The following PAX9 variants were observed in gnomAD, a reference collection of about 807,000 sequenced individuals.
The protein encoded by PAX9 is paired box 9.
Under a neutral mutation model 29.1 loss-of-function variants are expected in PAX9, and 6 were observed. The observed-to-expected ratio is 0.21, with a 90% CI of 0.11 to 0.41. The LOEUF (loss-of-function observed/expected upper bound fraction) is 0.41. PAX9 is among the 10% of genes least tolerant of loss of function. The pLI is 1.00. For synonymous variants in PAX9, 217 were observed against 211.7 expected (o/e 1.03, Z -0.22); for missense variants, 443 against 479.1 (o/e 0.92, Z 0.70).
rs191674536 is a variant in PAX9 at position 36,676,958 on chromosome 14, A to C, written c.*506A>C. The C allele has an allele frequency of 5.7e-6, 1 of 174,130 alleles. No individual in the cohort carries two copies. Among genetic ancestry groups the C allele is most frequent in the Non-Finnish European group, 1.3e-5 (1 of 79,980 alleles). The allele number at this position is 174,130 out of a possible 1,614,324, so 10.8% of individuals were successfully genotyped here. On this transcript the variant is annotated 3_prime_UTR_variant, in exon 4 of 4. Transcript: ENST00000361487. ...TAATTCATCATTAGGAAACAAATCA[A>C]TAAGTGACTTGTTTGAGTGATCCTT... is the stretch of plus-strand genomic sequence containing the variant.
In PAX9 at chr14:36,663,542, G is replaced by T; in HGVS notation, c.631+19G>T. On this transcript the variant is annotated intron_variant, in intron 2 of 3. Transcript: ENST00000361487. ...GACCAAGGTAGGGGCTCAGAGGCTGGGCGTGTGGATGTGCAGCGTCTGCCC... is the reference window on the plus strand; with the variant it reads ...GACCAAGGTAGGGGCTCAGAGGCTGTGCGTGTGGATGTGCAGCGTCTGCCC... 6.2e-7 allele frequency: 1 copy of T among 1,612,462 alleles called. No individual in the cohort carries two copies. Among genetic ancestry groups the T allele is most frequent in the South Asian group, 1.1e-5 (1 of 91,028 alleles).
rs113370878 is a variant in PAX9, at chr14:36,664,569, T to G, written c.631+1046T>G. Among the ~76,000 whole-genome samples the G allele has an allele frequency of 2.1e-3, 45 of 21,488 alleles. 1 individual carries two copies. The highest frequency in any genetic ancestry group is 0.016 in the South Asian group (10 of 634). The allele number at this position is 21,488 out of a possible 152,430, so 14.1% of individuals were successfully genotyped here. On this transcript the variant is annotated intron_variant, in intron 2 of 3. Coordinates refer to ENST00000361487, the MANE Select transcript of PAX9 (RefSeq NM_001372076.1). The stretch of plus-strand genomic sequence containing the variant: ...CCTGAGTTTGTTTTCTTTTACTGAG[T>G]TTTTTTTTTTTTTTTTAAGGCGTTA...
rs1881292138 is a variant in PAX9 at position 36,662,076 on chromosome 14, T to C, written c.-14T>C. On this transcript the variant is annotated 5_prime_UTR_variant, in exon 1 of 4. Transcript: ENST00000361487. ...GTGCGGAACTGGGGCCGGGTTGGTG[T>C]ACTGCTCGGAGCAATGGGTGAGTGG... 2 of 1,550,732 alleles carry C rather than the reference T, an allele frequency of 1.3e-6. No homozygotes were observed. Among genetic ancestry groups the C allele is most frequent in the African/African-American group, 1.4e-5 (1 of 72,616 alleles).
intron 2 of PAX9, among the ~76,000 whole-genome samples, chr14:36,663,964 G>T (rs190850070): frequency 2.0e-5 from 3 of 152,186 alleles, no homozygotes; most frequent in East Asian, 1.9e-4. Context: ...CACTACGGCC[G>T]GGAGAAGTCT....
chr14:36,664,979 T>C (rs1346462359), intron 2 of PAX9, among the ~76,000 whole-genome samples: 1 of 152,046 alleles, frequency 6.6e-6, no homozygotes, highest in Admixed American at 6.5e-5. Flanking sequence ...TGGGAAAGTG[T>C]GAGATCAGCA....
chr14:36,662,814 C>G, intron 1 of PAX9, 83 bp from the exon 2 acceptor site: 2 of 1,531,564 alleles, frequency 1.3e-6, no homozygotes, highest in Non-Finnish European at 1.8e-6. Context: ...GCCCAGTCCC[C>G]GGATGCGTAG....
rs991188480 is a variant in PAX9, at chr14:36,661,905, C to T, written c.-185C>T. 1 of 721,996 alleles carries T rather than the reference C, an allele frequency of 1.4e-6. No individual in the cohort carries two copies. The highest frequency in any genetic ancestry group is 1.8e-5 in the African/African-American group (1 of 57,086). 44.7% of individuals were successfully genotyped at this position (721,996 alleles called of 1,614,324 possible). The stretch of plus-strand genomic sequence containing the variant: ...TTAGATTGAAATGCAGAACTCAAGC[C>T]TCTTTCATCGGGGCACAGACTTCCT... On this transcript the variant is annotated 5_prime_UTR_variant, in exon 1 of 4. Coordinates refer to ENST00000361487, the MANE Select transcript of PAX9 (RefSeq NM_001372076.1).
At chr14:36,674,091 A>C (rs1167980257) in intron 3 of PAX9, among the ~76,000 whole-genome samples, 1 of 152,216 alleles carries the variant, frequency 6.6e-6, no homozygotes, top group African/African-American at 2.4e-5. Context: ...TCTATGCAAA[A>C]CTAGATTTTT....
chr14:36,666,734 C>A, intron 3 of PAX9, 133 bp downstream of exon 3: 2 of 1,206,976 alleles, frequency 1.7e-6, no homozygotes, highest in Non-Finnish European at 2.4e-6. Context: ...CTGCTACGAG[C>A]CAGATCCTTC....
At chr14:36,662,589 C>A (rs977474293) in intron 1 of PAX9, 5 of 499,298 alleles carry the variant, frequency 1.0e-5, no homozygotes, top group African/African-American at 1.9e-5. Flanking sequence ...CACGTTCAGG[C>A]GTCAAGACCG....
chr14:36,673,531 A>AGGGGG (rs1881772861), intron 3 of PAX9, among the ~76,000 whole-genome samples: 1 of 2,324 alleles, frequency 4.3e-4, no homozygotes, highest in Non-Finnish European at 1.4e-3. Flanking sequence ...GCCATCTTCC[A>AGGGGG]AGTGGGTCCA....
At chr14:36,662,469 T>C in intron 1 of PAX9, 1 of 381,362 alleles carries the variant, frequency 2.6e-6, no homozygotes, top group Admixed American at 4.2e-5. Context: ...CCCTCTAGCT[T>C]CCCCTAGACT....
chr14:36,661,604 C>G, upstream of PAX9: 1 of 202,948 alleles, frequency 4.9e-6, no homozygotes, highest in Non-Finnish European at 1.0e-5. Flanking sequence ...CAAACGCTTT[C>G]ATTTGTTTAT....
rs766474912 is a variant in PAX9, at chr14:36,676,207, G to T, written c.781G>T (p.Gly261Cys). ...QEAKYGQAPN[G>C]LPAVGSFVSA... The stretch of plus-strand genomic sequence containing the variant: ...TTTCTACTCCTCTCAGGCACCAAAT[G>T]GTCTCCCAGCTGTGGGCAGTTTTGT... Residue 261 changes from glycine (G) to cysteine (C), a missense_variant, in exon 4 of 4, where the codon GGT becomes TGT. This residue lies in a region of PAX9 where 336 missense variants were observed against 317.2 expected (regional missense o/e 1.06). Coordinates refer to ENST00000361487, the MANE Select transcript of PAX9 (RefSeq NM_001372076.1). The T allele has an allele frequency of 2.5e-6, 4 of 1,613,922 alleles. No homozygotes were observed. The highest frequency in any genetic ancestry group is 2.7e-5 in the African/African-American group (2 of 74,862).
chr14:36,663,506 G>T lies in PAX9; in HGVS notation c.614G>T (p.Arg205Leu), dbSNP rs374534090. The change falls in exon 2 of 4, where the codon CGC (arginine) becomes CTC (leucine). Residue 205 changes from arginine to leucine, a missense_variant. Physicochemically the swap from Arg to Leu is moderately radical, Grantham distance 102. Transcript: ENST00000361487. The part of the protein sequence containing the change: ...SHSVTDILGI[R>L]SITDQVSDSS... ...TCCGTCACCGACATCCTGGGCATCC[G>T]CTCCATCACCGACCAAGGTAGGGGC... The T allele has an allele frequency of 6.2e-6, 10 of 1,612,780 alleles. No individual in the cohort carries two copies. In the African/African-American group the frequency reaches 9.3e-5, roughly 15 times the overall value.
chr14:36,675,120 C>T (rs911705760), intron 3 of PAX9, among the ~76,000 whole-genome samples: 1 of 152,092 alleles, frequency 6.6e-6, no homozygotes, highest in Non-Finnish European at 1.5e-5. Context: ...GTATTTACAT[C>T]GTATTTTCAC....
upstream of PAX9, chr14:36,657,596 G>C (rs1260328456): frequency 2.0e-5 from 3 of 152,198 alleles, no homozygotes; most frequent in Non-Finnish European, 2.9e-5. Flanking sequence ...AGGAGAAAGC[G>C]GGCGACGAGC....
intron 1 of PAX9, chr14:36,662,526 G>C (rs1248836416): frequency 2.5e-6 from 1 of 407,100 alleles, no homozygotes; most frequent in Non-Finnish European, 4.4e-6. Context: ...GGATGGGATG[G>C]GTGGAGAGAG....
In PAX9 at chr14:36,663,075, C is replaced by G; in HGVS notation, c.183C>G (p.Asn61Lys). Reference protein sequence around the residue: ...GCVSKILARYNETGSILPGAI... With the variant: ...GCVSKILARYKETGSILPGAI... ...TCAGCAAGATCCTGGCGCGATACAA[C>G]GAGACGGGCTCGATCTTGCCAGGAG... Residue 61 changes from asparagine to lysine, a missense_variant, in exon 2 of 4, where the codon AAC (asparagine) becomes AAG (lysine). By Grantham distance (94) the Asn-to-Lys change is moderately conservative. Coordinates refer to ENST00000361487, the MANE Select transcript of PAX9 (RefSeq NM_001372076.1). 1 of 1,613,950 alleles carries G rather than the reference C, an allele frequency of 6.2e-7. No individual in the cohort carries two copies. The highest frequency in any genetic ancestry group is 1.1e-5 in the South Asian group (1 of 91,090).
Sources: allele counts gnomAD v4.1 joint callset (sites outside exome capture counted in the v4.1 genomes callset), GRCh38; gene constraint gnomAD v4.1.1; regional missense constraint gnomAD v4.1.1; transcripts MANE v1.5; gene names NCBI Gene and HGNC (gene_info 2026-07-23, HGNC 2026-07-21).